RMND5B: variants seen among roughly 807,000 people sequenced by gnomAD.
RMND5B encodes the protein E3 ubiquitin-protein transferase RMND5B.
Under a neutral mutation model 50.4 loss-of-function variants are expected in RMND5B, and 42 were observed. The ratio of observed to expected loss-of-function variants is 0.83; its 90% CI spans 0.65 to 1.08. RMND5B has a LOEUF of 1.08. Ranked by LOEUF, RMND5B falls within the 50% of genes least tolerant of loss-of-function variation. The pLI, the probability that RMND5B is intolerant of heterozygous loss-of-function variation, is 0.00. For missense variants in RMND5B, 463 were observed against 508.5 expected (o/e 0.91, Z 0.86); for synonymous variants, 220 against 210.0 (o/e 1.05, Z -0.41).
chr5:178,133,887 A>AT (rs1758470574), intron 2 of RMND5B, among the ~76,000 whole-genome samples: 3 of 151,646 alleles, frequency 2.0e-5, no homozygotes, highest in South Asian at 2.1e-4. Context: ...AATTTTTTGT[A>AT]TTTTTTTAGT....
intron 2 of RMND5B, among the ~76,000 whole-genome samples, chr5:178,136,881 T>C (rs1247792001): frequency 6.6e-6 from 1 of 151,878 alleles, no homozygotes; most frequent in African/African-American, 2.4e-5. Flanking sequence ...GGAGAGGAGA[T>C]AGGACAAGAA....
chr5:178,135,508 G>C (rs1002184602), intron 2 of RMND5B, among the ~76,000 whole-genome samples: 1 of 152,164 alleles, frequency 6.6e-6, no homozygotes, highest in Non-Finnish European at 1.5e-5. Flanking sequence ...GGAGCTTGTC[G>C]ATGTTGCTCT....
intron 2 of RMND5B, among the ~76,000 whole-genome samples, chr5:178,133,257 A>C (rs1037236097): frequency 7.9e-5 from 12 of 152,258 alleles, no homozygotes; most frequent in African/African-American, 2.4e-4. Flanking sequence ...CAGGATGCTA[A>C]ATACTCCAGG....
At chr5:178,141,174 T>C (rs1459955962) in intron 3 of RMND5B, among the ~76,000 whole-genome samples, 1 of 152,192 alleles carries the variant, frequency 6.6e-6, no homozygotes, top group African/African-American at 2.4e-5. Flanking sequence ...TTTTTAAAAA[T>C]TGAGCTATAA....
rs1388319900 is a variant in RMND5B at position 178,142,970 on chromosome 5, G to C, written c.404G>C (p.Ser135Thr). Residue 135 changes from serine (S) to threonine (T), a missense_variant, in exon 5 of 11, where the codon AGC becomes ACC. Transcript: ENST00000313386. ...VEHLYQQGML[S>T]VAEELCQEST... ...CACCTGTATCAGCAGGGCATGCTCA[G>C]CGTGGCCGAGGAGCTGTGCCAGGTA... is the stretch of plus-strand genomic sequence containing the variant. The C allele has an allele frequency of 6.2e-7, 1 of 1,613,808 alleles. No individual in the cohort carries two copies. Among genetic ancestry groups the C allele is most frequent in the African/African-American group, 1.3e-5 (1 of 74,950 alleles).
Position 178,147,828 on chromosome 5 carries a change from A to G in RMND5B, c.1063A>G (p.Ile355Val), listed in dbSNP as rs1168719851. 1 of 1,613,292 alleles carries G rather than the reference A, an allele frequency of 6.2e-7. No homozygotes were observed. The change falls in exon 10 of 11, where the codon ATC becomes GTC. Residue 355 changes from isoleucine (I) to valine (V), a missense_variant. Ile to Val is a conservative substitution (Grantham distance 29). Transcript: ENST00000313386. ...AGATTCCAACCCTCCCATCAAGCTCATCTGTGGCCATGTTATCTCCCGAGA... is the reference window on the plus strand; with the variant it reads ...AGATTCCAACCCTCCCATCAAGCTCGTCTGTGGCCATGTTATCTCCCGAGA... Reference protein sequence around the residue: ...TSDSNPPIKLICGHVISRDAL... With the variant: ...TSDSNPPIKLVCGHVISRDAL...
intron 8 of RMND5B, 114 bp downstream of exon 8, chr5:178,146,393 C>A: frequency 1.0e-6 from 1 of 990,218 alleles, no homozygotes; most frequent in Non-Finnish European, 1.5e-6. Context: ...GAGACCGAAA[C>A]TGGCTTTCTT....
Position 178,146,129 on chromosome 5 carries a change from T to C in RMND5B, c.710T>C (p.Met237Thr), listed in dbSNP as rs1001229689. 3 of 1,613,986 alleles carry C rather than the reference T, an allele frequency of 1.9e-6. No homozygotes were observed. The African/African-American group carries it at 4.0e-5, about 22-fold the overall frequency. ...RLHQREIQVM[M>T]GSLVYLRLGL... ...TGCCTTGTAGAGATCCAGGTGATGA[T>C]GGGCAGCCTGGTGTACCTGCGGCTG... The change falls in exon 8 of 11, where the codon ATG (methionine) becomes ACG (threonine). Residue 237 changes from methionine to threonine, a missense_variant. Physicochemically the swap from Met to Thr is moderately conservative, Grantham distance 81 (BLOSUM62 -1). Coordinates refer to ENST00000313386, the MANE Select transcript of RMND5B (RefSeq NM_022762.5).
rs1385919360 is a variant in RMND5B at position 178,149,310 on chromosome 5, A to G, written c.*1278A>G. ...CAGGATCAGTTCTCAGCTTGAGCCA[A>G]AGCACCCGGCCCTGGGCAGCTGAGC... On this transcript the variant is annotated 3_prime_UTR_variant, in exon 11 of 11. Transcript: ENST00000313386. The G allele has an allele frequency of 1.0e-5, 2 of 190,686 alleles. No homozygotes were observed. The highest frequency in any genetic ancestry group is 5.8e-5 in the Admixed American group (1 of 17,318). 11.8% of individuals were successfully genotyped at this position (190,686 alleles called of 1,614,324 possible).
chr5:178,135,835 G>A (rs1029476043), intron 2 of RMND5B, among the ~76,000 whole-genome samples: 1 of 152,148 alleles, frequency 6.6e-6, no homozygotes, highest in African/African-American at 2.4e-5. Flanking sequence ...GCTTTTTTGA[G>A]CCATGTTTAT....
chr5:178,138,519 TTGTG>T lies in RMND5B; in HGVS notation c.139+287_139+290del, dbSNP rs10657977. On this transcript the variant is annotated intron_variant, in intron 3 of 10. Transcript: ENST00000313386. The surrounding 1 kb of genome is among the most constrained non-coding windows in gnomAD (Gnocchi z 5.1). Reference sequence around the variant, plus strand: ...TTTTTAACTTTTTTTCATTTTATAATTGTGTGTGTGTGTGTGTGTGTGTGTGTGT... The same window carrying T: ...TTTTTAACTTTTTTTCATTTTATAATTGTGTGTGTGTGTGTGTGTGTGTGT... The T allele has an allele frequency of 8.7e-4, 261 of 301,400 alleles. 1 individual carries two copies. In the East Asian group the frequency reaches 0.013, roughly 16 times the overall value. 18.7% of individuals were successfully genotyped at this position (301,400 alleles called of 1,614,324 possible). A position where few individuals can be genotyped will look rare whatever the true frequency, so the allele number is the denominator to read the frequency against.
chr5:178,139,678 G>T (rs1758809322), intron 3 of RMND5B, among the ~76,000 whole-genome samples: 1 of 151,102 alleles, frequency 6.6e-6, no homozygotes, highest in Non-Finnish European at 1.5e-5. Flanking sequence ...CAAGTTGCTG[G>T]GTTTACAGGC....
rs1758745136 is a variant in RMND5B, at chr5:178,138,519, T to TTGTGCG, written c.139+265_139+266insCGTGTG. ...TTTTTAACTTTTTTTCATTTTATAA[T>TTGTGCG]TGTGTGTGTGTGTGTGTGTGTGTGT... On this transcript the variant is annotated intron_variant, in intron 3 of 10. Coordinates refer to ENST00000313386, the MANE Select transcript of RMND5B (RefSeq NM_022762.5). The surrounding 1 kb of genome is among the most constrained non-coding windows in gnomAD (Gnocchi z 5.1). 3.3e-6 allele frequency: 1 copy of TTGTGCG among 300,398 alleles called. No individual in the cohort carries two copies. The highest frequency in any genetic ancestry group is 4.8e-5 in the South Asian group (1 of 20,684). 18.6% of individuals were successfully genotyped at this position (300,398 alleles called of 1,614,324 possible).
intron 2 of RMND5B, chr5:178,135,440 A>G (rs1410365558): frequency 6.5e-6 from 1 of 153,330 alleles, no homozygotes; most frequent in Non-Finnish European, 1.5e-5. Flanking sequence ...ATATACTTTT[A>G]ATTTACATAA....
chr5:178,136,803 G>GC (rs1390493805), intron 2 of RMND5B, among the ~76,000 whole-genome samples: 1 of 152,152 alleles, frequency 6.6e-6, no homozygotes, highest in Non-Finnish European at 1.5e-5. Flanking sequence ...AGTGTCAAAG[G>GC]CTGCTCTGAA....
In RMND5B at chr5:178,143,640, A is replaced by C; in HGVS notation, c.440A>C (p.Asn147Thr). 6.2e-7 allele frequency: 1 copy of C among 1,613,706 alleles called. No individual in the cohort carries two copies. The highest frequency in any genetic ancestry group is 8.5e-7 in the Non-Finnish European group (1 of 1,179,632). Reference protein sequence around the residue: ...AEELCQESTLNVDLDFKQPFL... With the variant: ...AEELCQESTLTVDLDFKQPFL... ...CTCTCCTTGTAGGAATCAACGCTGA[A>C]TGTGGACTTGGATTTCAAGCAGCCT... The change falls in exon 6 of 11, where the codon AAT becomes ACT. Residue 147 changes from asparagine to threonine, a missense_variant. Transcript: ENST00000313386.
intron 2 of RMND5B, among the ~76,000 whole-genome samples, chr5:178,135,839 T>G (rs1758594264): frequency 1.3e-5 from 2 of 152,204 alleles, no homozygotes; most frequent in Admixed American, 1.3e-4. Context: ...TTTTGAGCCA[T>G]GTTTATTTTT....
At position 178,150,197 on chromosome 5, in the gene RMND5B, CAT is replaced by C. The variant is rs573489090; in HGVS notation, c.*2166_*2167del. On this transcript the variant is annotated 3_prime_UTR_variant, in exon 11 of 11. Coordinates refer to ENST00000313386, the MANE Select transcript of RMND5B (RefSeq NM_022762.5). ...GCCTAAACCCACCTAACCGGACTAA[CAT>C]GGGTGAAGCATCTTAGCTTACAAAG... is the stretch of plus-strand genomic sequence containing the variant. 7.8e-4 allele frequency: 182 copies of C among 233,030 alleles called. 1 individual carries two copies. Among genetic ancestry groups the C allele is most frequent in the African/African-American group, 3.8e-3 (165 of 43,564 alleles). 14.4% of individuals were successfully genotyped at this position (233,030 alleles called of 1,614,324 possible). A position where few individuals can be genotyped will look rare whatever the true frequency, so the allele number is the denominator to read the frequency against.
chr5:178,134,762 T>A (rs895895792), intron 2 of RMND5B, among the ~76,000 whole-genome samples: 23 of 151,554 alleles, frequency 1.5e-4, no homozygotes, highest in African/African-American at 5.6e-4. Flanking sequence ...AGGCTAGGAG[T>A]TCGAGACCAG....
Sources: gnomAD v4.1 joint callset for allele counts (sites outside exome capture counted in the v4.1 genomes callset) on GRCh38, gnomAD v4.1.1 for gene constraint, Gnocchi (gnomAD v3.1) non-coding constraint, MANE v1.5 for transcripts, NCBI Gene and HGNC (gene_info 2026-07-23, HGNC 2026-07-21) for gene names.